ITGA2: variants seen among roughly 807,000 people sequenced by gnomAD.
ITGA2 encodes integrin alpha-2.
ITGA2 carries 101 observed loss-of-function variants against 146.3 expected under a neutral mutation model. The ratio of observed to expected loss-of-function variants is 0.69; its 90% CI spans 0.59 to 0.81. The LOEUF (loss-of-function observed/expected upper bound fraction) is 0.81. ITGA2 is among the 40% of genes least tolerant of loss of function. The probability of loss-of-function intolerance (pLI) is 0.00; values close to 1 mark genes in which losing one functional copy is unlikely to be tolerated. For synonymous variants in ITGA2, 477 were observed against 487.1 expected, an observed-to-expected ratio of 0.98 and a Z score of 0.27; for missense variants, 1,281 against 1,402.7, an observed-to-expected ratio of 0.91 and a Z score of 1.39.
chr5:53,081,486 C>A, intron 25 of ITGA2, 106 bp from the exon 26 acceptor site: 3 of 836,806 alleles, frequency 3.6e-6, no homozygotes, highest in Middle Eastern at 3.4e-4. Flanking sequence ...AGCCTAACAG[C>A]CCTTCCCAGA....
At position 53,028,386 on chromosome 5, in the gene ITGA2, A is replaced by G. The variant is rs151011995; in HGVS notation, c.185+1518A>G. Among the ~76,000 whole-genome samples the G allele has an allele frequency of 3.1e-3, 472 of 152,298 alleles. 2 individuals carry two copies. Among genetic ancestry groups the G allele is most frequent in the African/African-American group, 0.011 (448 of 41,566 alleles). On this transcript the variant is annotated intron_variant, in intron 2 of 29. Coordinates refer to ENST00000296585, the MANE Select transcript of ITGA2 (RefSeq NM_002203.4). ...CAATGCATGTAGATACAGTTTGTCA[A>G]TTGTCTAGAAGGATAAGAACATCTG... is the stretch of plus-strand genomic sequence containing the variant.
In ITGA2 at chr5:53,000,149, T is replaced by C. The variant is rs1741494212; in HGVS notation, c.64+10617T>C. 2.6e-5 allele frequency among the ~76,000 whole-genome samples: 4 copies of C among 152,228 alleles called. No individual in the cohort carries two copies. In the South Asian group the frequency reaches 8.3e-4, roughly 32 times the overall value. ...ACATTGCAATTGTGAGATTAATCTA[T>C]ATGTTGCACATAGATATAGTTCTTT... On this transcript the variant is annotated intron_variant, in intron 1 of 29. Coordinates refer to ENST00000296585, the MANE Select transcript of ITGA2 (RefSeq NM_002203.4).
At chr5:53,027,894 A>G (rs1179228559) in intron 2 of ITGA2, among the ~76,000 whole-genome samples, 1 of 152,158 alleles carries the variant, frequency 6.6e-6, no homozygotes, top group Admixed American at 6.5e-5. Context: ...CCACCTGGGC[A>G]ACACAGTGAG....
chr5:53,034,643 T>C (rs2111852385), intron 2 of ITGA2, among the ~76,000 whole-genome samples: 1 of 152,294 alleles, frequency 6.6e-6, no homozygotes, highest in Middle Eastern at 3.4e-3. Context: ...ATTTTAAGCT[T>C]TCCTCTGTGG....
At chr5:53,027,954 G>T (rs1321877796) in intron 2 of ITGA2, among the ~76,000 whole-genome samples, 2 of 152,108 alleles carry the variant, frequency 1.3e-5, no homozygotes, top group Admixed American at 6.5e-5. Context: ...GGAGGTGCAT[G>T]CCTGCAGTCC....
chr5:53,026,070 A>G (rs576974063), intron 1 of ITGA2, among the ~76,000 whole-genome samples: 2 of 152,352 alleles, frequency 1.3e-5, no homozygotes, highest in African/African-American at 4.8e-5. Context: ...CATCAAAAAC[A>G]AAACACTTTT....
chr5:53,081,562 G>C, intron 25 of ITGA2, 30 bp from the exon 26 acceptor site: 1 of 1,520,900 alleles, frequency 6.6e-7, no homozygotes, highest in Non-Finnish European at 9.1e-7. Flanking sequence ...TTTTGCTTCT[G>C]AAGTCTGATC....
Position 53,054,200 on chromosome 5 carries a change from A to G in ITGA2, c.780-1338A>G, listed in dbSNP as rs190386196. ...TTGCACCAAGTTATCCATGAGCTCAATTTGTCTGAATCTCTGATGAATATT... is the reference window on the plus strand; with the variant it reads ...TTGCACCAAGTTATCCATGAGCTCAGTTTGTCTGAATCTCTGATGAATATT... On this transcript the variant is annotated intron_variant, in intron 7 of 29. Coordinates refer to ENST00000296585, the MANE Select transcript of ITGA2 (RefSeq NM_002203.4). Among the ~76,000 whole-genome samples, 65 of 152,282 alleles carry G rather than the reference A, an allele frequency of 4.3e-4. 1 individual carries two copies. The highest frequency in any genetic ancestry group is 6.6e-4 in the Non-Finnish European group (45 of 68,032).
Position 53,065,205 on chromosome 5 carries a change from C to T in ITGA2, c.1806+90C>T, listed in dbSNP as rs1745091399. On this transcript the variant is annotated intron_variant, in intron 14 of 29. Transcript: ENST00000296585. Reference sequence around the variant, plus strand: ...CGTCATGTAAACCATGCAATCCGTCCGCCTTATTTTGTAACTTCATTCTTT... The same window carrying T: ...CGTCATGTAAACCATGCAATCCGTCTGCCTTATTTTGTAACTTCATTCTTT... 4.8e-5 allele frequency: 62 copies of T among 1,289,738 alleles called. No individual in the cohort carries two copies. In the South Asian group the frequency reaches 5.2e-4, roughly 11 times the overall value. 79.9% of individuals were successfully genotyped at this position (1,289,738 alleles called of 1,614,324 possible). A position where few individuals can be genotyped will look rare whatever the true frequency, so the allele number is the denominator to read the frequency against.
chr5:53,072,102 C>A, intron 18 of ITGA2, 54 bp downstream of exon 18: 1 of 1,225,920 alleles, frequency 8.2e-7, no homozygotes, highest in South Asian at 1.2e-5. Context: ...GTTCCACAGT[C>A]ACTGCAATAG....
intron 15 of ITGA2, among the ~76,000 whole-genome samples, 186 bp from the exon 16 acceptor site, chr5:53,066,932 A>G (rs990937204): frequency 6.6e-6 from 1 of 151,886 alleles, no homozygotes; most frequent in Non-Finnish European, 1.5e-5. Context: ...GCAGTCACAA[A>G]TTAAAAAAAA....
chr5:53,022,649 C>G (rs1742746299), intron 1 of ITGA2, among the ~76,000 whole-genome samples: 1 of 152,108 alleles, frequency 6.6e-6, no homozygotes, highest in African/African-American at 2.4e-5. Flanking sequence ...TCACTGCAGC[C>G]TGGACCTCCT....
At chr5:53,053,327 G>T (rs1744476125) in intron 7 of ITGA2, among the ~76,000 whole-genome samples, 1 of 152,074 alleles carries the variant, frequency 6.6e-6, no homozygotes, top group Non-Finnish European at 1.5e-5. Flanking sequence ...CTCTATTCAG[G>T]GACAATAAAG....
At chr5:53,020,814 T>C (rs1397200311) in intron 1 of ITGA2, among the ~76,000 whole-genome samples, 1 of 151,554 alleles carries the variant, frequency 6.6e-6, no homozygotes, top group Non-Finnish European at 1.5e-5. Flanking sequence ...CCCGAGTAGC[T>C]GGGACTACAG....
At chr5:53,054,560 T>TA in intron 7 of ITGA2, among the ~76,000 whole-genome samples, 1 of 152,250 alleles carries the variant, frequency 6.6e-6, no homozygotes, top group East Asian at 1.9e-4. Context: ...CAAAATGTCC[T>TA]AAGCATCCAA....
At chr5:53,071,886 C>G (rs1218005055) in intron 17 of ITGA2, 52 bp from the exon 18 acceptor site, 1 of 1,315,692 alleles carries the variant, frequency 7.6e-7, no homozygotes, top group Non-Finnish European at 1.1e-6. Flanking sequence ...TTGCTATGCT[C>G]TAATAAACTG....
rs144334272 is a variant in ITGA2 at position 53,080,585 on chromosome 5, C to T, written c.3003C>T (p.Asn1001=). 7 of 1,613,420 alleles carry T rather than the reference C, an allele frequency of 4.3e-6. No individual in the cohort carries two copies. Among genetic ancestry groups the T allele is most frequent in the Non-Finnish European group, 5.9e-6 (7 of 1,179,670 alleles). Residue 1001 remains asparagine, a synonymous_variant, in exon 25 of 30, where the codon AAC becomes AAT. Transcript: ENST00000296585. ...IHIPQYTKEK[N]PLMYLTGVQT... ...TCCCTCAGTATACCAAAGAAAAGAA[C>T]CCACTGATGTACCTAACTGGGGTGC...
chr5:53,034,619 C>T (rs1743397260), intron 2 of ITGA2, among the ~76,000 whole-genome samples: 1 of 152,102 alleles, frequency 6.6e-6, no homozygotes, highest in African/African-American at 2.4e-5. Flanking sequence ...CATGCCTCAC[C>T]AACAAGTCTT....
At position 53,094,718 on chromosome 5, in the gene ITGA2, T is replaced by A. The variant is rs1405503579; in HGVS notation, c.*4119T>A. On this transcript the variant is annotated 3_prime_UTR_variant, in exon 30 of 30. Coordinates refer to ENST00000296585, the MANE Select transcript of ITGA2 (RefSeq NM_002203.4). ...GTAACCCACTTTTTTCATACCACAT[T>A]ATTGAATATTGTTACAATTGTTTTG... 6.6e-6 allele frequency: 1 copy of A among 152,246 alleles called. No individual in the cohort carries two copies. Among genetic ancestry groups the A allele is most frequent in the East Asian group, 1.9e-4 (1 of 5,206 alleles). The allele number at this position is 152,246 out of a possible 1,614,324, so 9.4% of individuals were successfully genotyped here.
Sources: allele counts gnomAD v4.1 joint callset (sites outside exome capture counted in the v4.1 genomes callset), GRCh38; gene constraint gnomAD v4.1.1; transcripts MANE v1.5; gene names NCBI Gene and HGNC (gene_info 2026-07-23, HGNC 2026-07-21).